SLC22A13: variants seen among roughly 807,000 people sequenced by gnomAD.
SLC22A13 encodes organic anion transporter 10.
Under a neutral mutation model 49.1 loss-of-function variants are expected in SLC22A13, and 42 were observed. The ratio of observed to expected loss-of-function variants is 0.85; its 90% CI spans 0.67 to 1.11. The LOEUF is 1.11. Among genes scored for constraint, SLC22A13 ranks in the 50% least tolerant of loss-of-function variants. SLC22A13 has a pLI of 0.00. For missense variants in SLC22A13, 694 were observed against 712.8 expected (o/e 0.97, Z 0.30); for synonymous variants, 282 against 293.1 (o/e 0.96, Z 0.39).
intron 3 of SLC22A13, 100 bp downstream of exon 3, chr3:38,274,858 C>T (rs1189157758): frequency 3.9e-6 from 6 of 1,539,218 alleles, no homozygotes; most frequent in Non-Finnish European, 5.3e-6. Flanking sequence ...TTCAGGTACC[C>T]CACATCTGAA....
chr3:38,274,306 A>T lies in SLC22A13; in HGVS notation c.413A>T (p.Asp138Val). The T allele has an allele frequency of 6.2e-7, 1 of 1,614,130 alleles. No homozygotes were observed. ...GTTTGTGATCGGAAGCACCTGAAGGACACCACACAGTCAGTGTTCATGGCT... is the reference window on the plus strand; with the variant it reads ...GTTTGTGATCGGAAGCACCTGAAGGTCACCACACAGTCAGTGTTCATGGCT... The part of the protein sequence containing the change: ...NLVCDRKHLK[D>V]TTQSVFMAGL... The change falls in exon 2 of 10, where the codon GAC becomes GTC. Residue 138 changes from aspartate (D) to valine (V), a missense_variant. Coordinates refer to ENST00000311856, the MANE Select transcript of SLC22A13 (RefSeq NM_004256.4).
rs768239468 is a variant in SLC22A13, at chr3:38,276,300, G to A, written c.1251G>A (p.Val417=). Residue 417 remains valine, a synonymous_variant, in exon 8 of 10, where the codon GTG becomes GTA. Coordinates refer to ENST00000311856, the MANE Select transcript of SLC22A13 (RefSeq NM_004256.4). ...IIFIPADLPV[V]VTMLAVVGKM... is the part of the protein sequence containing the mutation. The stretch of plus-strand genomic sequence containing the variant: ...ACCCTCTGCCAGATCTGCCCGTGGT[G>A]GTCACCATGCTGGCTGTGGTGGGGA... The A allele has an allele frequency of 1.3e-5, 21 of 1,612,736 alleles. No homozygotes were observed. The highest frequency in any genetic ancestry group is 1.4e-5 in the Non-Finnish European group (16 of 1,179,304).
intron 8 of SLC22A13, 95 bp from the exon 9 acceptor site, chr3:38,276,817 T>C: frequency 9.1e-7 from 1 of 1,095,148 alleles, no homozygotes; most frequent in Non-Finnish European, 1.3e-6. Context: ...CTGCAGACCT[T>C]TGAGGTCTGG....
chr3:38,274,529 T>C, intron 2 of SLC22A13, 75 bp from the exon 3 acceptor site: 1 of 1,539,014 alleles, frequency 6.5e-7, no homozygotes, highest in Non-Finnish European at 8.9e-7. Flanking sequence ...AGGACAGGGC[T>C]GGGCCCCCTT....
rs769634429 is a variant in SLC22A13, at chr3:38,277,203, C to G, written c.1562+76C>G. 3 of 1,209,938 alleles carry G rather than the reference C, an allele frequency of 2.5e-6. No homozygotes were observed. In the African/African-American group the frequency reaches 4.5e-5, roughly 18 times the overall value. The allele number at this position is 1,209,938 out of a possible 1,614,324, so 75.0% of individuals were successfully genotyped here. A position where few individuals can be genotyped will look rare whatever the true frequency, so the allele number is the denominator to read the frequency against. ...CGCACTCTATATGCCCAGGCCTCCA[C>G]CTCATCACTCGTCCACTGTTGCCTA... On this transcript the variant is annotated intron_variant, in intron 9 of 9. Transcript: ENST00000311856.
intron 2 of SLC22A13, 50 bp from the exon 3 acceptor site, chr3:38,274,554 A>C: frequency 1.9e-6 from 3 of 1,593,496 alleles, no homozygotes; most frequent in African/African-American, 2.7e-5. Context: ...CCTTCTCCTC[A>C]GATGCCTTCC....
At chr3:38,271,241 T>A (rs1703516553) in intron 1 of SLC22A13, among the ~76,000 whole-genome samples, 1 of 152,146 alleles carries the variant, frequency 6.6e-6, no homozygotes, top group Non-Finnish European at 1.5e-5. Flanking sequence ...CTTTTCAACC[T>A]ACATTTCCTG....
chr3:38,276,721 G>A (rs1047926451), intron 8 of SLC22A13, among the ~76,000 whole-genome samples, 191 bp from the exon 9 acceptor site: 1 of 152,146 alleles, frequency 6.6e-6, no homozygotes, highest in Non-Finnish European at 1.5e-5. Flanking sequence ...CTTGACAGGC[G>A]AGCAGGGGTG....
intron 4 of SLC22A13, 98 bp downstream of exon 4, chr3:38,275,255 A>T (rs1216913163): frequency 1.2e-5 from 19 of 1,588,322 alleles, no homozygotes; most frequent in Non-Finnish European, 1.3e-5. Flanking sequence ...GTCAGAGGTG[A>T]GTCTGGGAGA....
At position 38,277,656 on chromosome 3, in the gene SLC22A13, A is replaced by C; in HGVS notation, c.*191A>C. 1 of 513,450 alleles carries C rather than the reference A, an allele frequency of 1.9e-6. No individual in the cohort carries two copies. The highest frequency in any genetic ancestry group is 2.8e-5 in the South Asian group (1 of 36,294). 31.8% of individuals were successfully genotyped at this position (513,450 alleles called of 1,614,324 possible). On this transcript the variant is annotated 3_prime_UTR_variant, in exon 10 of 10. Transcript: ENST00000311856. ...ACTGGGAACCACCATCTGAGACAGG[A>C]CCTCCCGGCCTCCTTCACCTTTCTC...
Position 38,274,313 on chromosome 3 carries a change from A to G in SLC22A13, c.420A>G (p.Thr140=). The part of the protein sequence containing the change: ...VCDRKHLKDT[T]QSVFMAGLLV... ...ATCGGAAGCACCTGAAGGACACCAC[A>G]CAGTCAGTGTTCATGGCTGGGCTCC... Residue 140 remains threonine (T), a synonymous_variant, in exon 2 of 10, where the codon ACA becomes ACG. Coordinates refer to ENST00000311856, the MANE Select transcript of SLC22A13 (RefSeq NM_004256.4). 2 of 1,614,120 alleles carry G rather than the reference A, an allele frequency of 1.2e-6. No homozygotes were observed. Among genetic ancestry groups the G allele is most frequent in the Non-Finnish European group, 1.7e-6 (2 of 1,180,000 alleles).
At chr3:38,274,569 G>A (rs73825504) in intron 2 of SLC22A13, 35 bp from the exon 3 acceptor site, 4 of 1,604,554 alleles carry the variant, frequency 2.5e-6, no homozygotes, top group East Asian at 4.5e-5. Context: ...CCTTCCGGGA[G>A]GGACCCTCCC....
At chr3:38,274,805 G>C (rs756695194) in intron 3 of SLC22A13, 47 bp downstream of exon 3, 1 of 1,573,896 alleles carries the variant, frequency 6.4e-7, no homozygotes, top group Non-Finnish European at 8.6e-7. Context: ...TGAGGCCCAG[G>C]GGCCTGGGAG....
At chr3:38,268,417 G>C (rs529400076) in intron 1 of SLC22A13, among the ~76,000 whole-genome samples, 1 of 152,164 alleles carries the variant, frequency 6.6e-6, no homozygotes, top group Non-Finnish European at 1.5e-5. Context: ...ATCTTATACA[G>C]AGCATCACCC....
intron 1 of SLC22A13, among the ~76,000 whole-genome samples, chr3:38,266,555 C>A (rs548933996): frequency 6.6e-6 from 1 of 152,248 alleles, no homozygotes; most frequent in South Asian, 2.1e-4. Context: ...TATCTTTGTG[C>A]CTTTCTCTCT....
intron 2 of SLC22A13, 28 bp from the exon 3 acceptor site, chr3:38,274,576 T>C (rs766521092): frequency 6.2e-7 from 1 of 1,607,190 alleles, no homozygotes; most frequent in African/African-American, 1.3e-5. Flanking sequence ...GGAGGGACCC[T>C]CCCCACAGAC....
At position 38,265,848 on chromosome 3, in the gene SLC22A13, G is replaced by A. The variant is rs779544556; in HGVS notation, c.-13G>A. ...CTAGTGTCCCCAGGCTGAGGAGGTA[G>A]TGACTGGCATACATGGCTCAGTTTG... is the stretch of plus-strand genomic sequence containing the variant. On this transcript the variant is annotated 5_prime_UTR_variant, in exon 1 of 10. It adds an upstream start codon to the 5' untranslated region. Transcript: ENST00000311856. The A allele has an allele frequency of 1.2e-6, 2 of 1,613,042 alleles. No homozygotes were observed. Among genetic ancestry groups the A allele is most frequent in the African/African-American group, 1.3e-5 (1 of 74,912 alleles).
In SLC22A13 at chr3:38,276,412, G is replaced by A. The variant is rs1225792410; in HGVS notation, c.1346+17G>A. ...CATCCTCCGGTAAGAGCTGCAGTGT[G>A]ACTCCTGCTCCTCTGCTACTGAGAT... is the stretch of plus-strand genomic sequence containing the variant. On this transcript the variant is annotated intron_variant, in intron 8 of 9. Transcript: ENST00000311856. 1.3e-6 allele frequency: 2 copies of A among 1,517,124 alleles called. No individual in the cohort carries two copies. The highest frequency in any genetic ancestry group is 1.8e-6 in the Non-Finnish European group (2 of 1,096,296). 94.0% of individuals were successfully genotyped at this position (1,517,124 alleles called of 1,614,324 possible).
chr3:38,276,382 C>T lies in SLC22A13; in HGVS notation c.1333C>T (p.Pro445Ser), dbSNP rs1703584343. ...ISYVYSAELFPTILRQTGMGL... is the reference protein window; with the variant it reads ...ISYVYSAELFSTILRQTGMGL... Reference sequence around the variant, plus strand: ...CTATGTGTACTCTGCCGAGCTTTTCCCCACCATCCTCCGGTAAGAGCTGCA... The same window carrying T: ...CTATGTGTACTCTGCCGAGCTTTTCTCCACCATCCTCCGGTAAGAGCTGCA... The change falls in exon 8 of 10, where the codon CCC becomes TCC. Residue 445 changes from proline to serine, a missense_variant. By Grantham distance (74) the Pro-to-Ser change is moderately conservative. Coordinates refer to ENST00000311856, the MANE Select transcript of SLC22A13 (RefSeq NM_004256.4). 1.2e-6 allele frequency: 2 copies of T among 1,609,864 alleles called. No homozygotes were observed. Among genetic ancestry groups the T allele is most frequent in the Admixed American group, 1.7e-5 (1 of 59,686 alleles).
Sources: allele counts gnomAD v4.1 joint callset (sites outside exome capture counted in the v4.1 genomes callset), GRCh38; gene constraint gnomAD v4.1.1; transcripts MANE v1.5; gene names NCBI Gene and HGNC (gene_info 2026-07-23, HGNC 2026-07-21).